Variants in TRAP1 observed in about 807,000 individuals in gnomAD.
TRAP1 encodes TNF receptor associated protein 1.
A neutral mutation model predicts 89.1 loss-of-function variants in TRAP1; 102 were observed. The observed-to-expected ratio is 1.15, with a 90% CI of 0.98 to 1.35. TRAP1 has a LOEUF of 1.35. Ranked by LOEUF, TRAP1 falls within the 40% of genes most tolerant of loss-of-function variation. TRAP1 has a pLI of 0.00. For missense variants in TRAP1, 1,256 were observed against 945.3 expected, an observed-to-expected ratio of 1.33 and a Z score of -4.31; for synonymous variants, 508 against 388.0, an observed-to-expected ratio of 1.31 and a Z score of -3.64.
chr16:3,709,719 C>T (rs915276251), intron 1 of TRAP1, among the ~76,000 whole-genome samples: 1 of 152,112 alleles, frequency 6.6e-6, no homozygotes, highest in Non-Finnish European at 1.5e-5. Flanking sequence ...GGCGCCATCT[C>T]GGCACACCAC....
intron 11 of TRAP1, among the ~76,000 whole-genome samples, chr16:3,667,311 G>A (rs2050848132): frequency 6.6e-6 from 1 of 152,070 alleles, no homozygotes; most frequent in African/African-American, 2.4e-5. Context: ...GAGGGGGATT[G>A]GTCAAATGGG....
At chr16:3,660,672 C>G (rs1172774644) in intron 16 of TRAP1, 2 of 152,150 alleles carry the variant, frequency 1.3e-5, no homozygotes, top group Non-Finnish European at 2.9e-5. Flanking sequence ...AGTGCCATGG[C>G]TAGGAAGATG....
At chr16:3,690,692 C>G in intron 2 of TRAP1, 135 bp downstream of exon 2, 1 of 980,148 alleles carries the variant, frequency 1.0e-6, no homozygotes, top group Non-Finnish European at 1.4e-6. Context: ...CGCAGCACTC[C>G]CTACAGCCAA....
chr16:3,710,880 T>TATA (rs1555468286), intron 1 of TRAP1, among the ~76,000 whole-genome samples: 21 of 89,504 alleles, frequency 2.3e-4, no homozygotes, highest in East Asian at 1.3e-3. Flanking sequence ...TATATATATA[T>TATA]TTTTTTTTTT....
At chr16:3,693,923 G>A (rs981566480) in intron 1 of TRAP1, among the ~76,000 whole-genome samples, 2 of 151,288 alleles carry the variant, frequency 1.3e-5, no homozygotes, top group Non-Finnish European at 2.9e-5. Context: ...AGCCCAGGAT[G>A]TTGAGGCTGT....
intron 1 of TRAP1, among the ~76,000 whole-genome samples, chr16:3,706,307 C>A (rs2051445013): frequency 6.6e-6 from 1 of 151,884 alleles, no homozygotes; most frequent in Admixed American, 6.6e-5. Flanking sequence ...GGGGGTCTCA[C>A]TATGTTGCCT....
intron 4 of TRAP1, among the ~76,000 whole-genome samples, chr16:3,682,132 A>G (rs1174774279): frequency 6.6e-6 from 1 of 152,200 alleles, no homozygotes; most frequent in Non-Finnish European, 1.5e-5. Context: ...AACAGATAGT[A>G]CTGAAACAAC....
At position 3,662,454 on chromosome 16, in the gene TRAP1, G is replaced by T. The variant is rs144499755; in HGVS notation, c.1795-322C>A. On this transcript the variant is annotated intron_variant, in intron 15 of 17. Transcript: ENST00000246957. ...CCCTTCCTCCAAGTGACCATGCATG[G>T]GACGCTCATTTCTCACTCTGAGCTA... 237 of 535,958 alleles carry T rather than the reference G, an allele frequency of 4.4e-4. 3 individuals carry two copies. The highest frequency in any genetic ancestry group is 3.6e-3 in the African/African-American group (192 of 52,774). The allele number at this position is 535,958 out of a possible 1,614,324, so 33.2% of individuals were successfully genotyped here.
intron 15 of TRAP1, 195 bp from the exon 16 acceptor site, chr16:3,662,327 C>G (rs1220893216): frequency 1.0e-5 from 7 of 696,558 alleles, no homozygotes; most frequent in Non-Finnish European, 1.6e-5. Flanking sequence ...CGCAAAGATA[C>G]TGTGCCCGAG....
chr16:3,693,133 G>A (rs934081514), intron 1 of TRAP1, among the ~76,000 whole-genome samples: 1 of 151,532 alleles, frequency 6.6e-6, no homozygotes, highest in Non-Finnish European at 1.5e-5. Context: ...ATTTTTAGTA[G>A]AGACGAGGTT....
Position 3,717,413 on chromosome 16 carries a change from G to A in TRAP1, c.88+8C>T. The stretch of plus-strand genomic sequence containing the variant: ...CGCCCGCTGCCCGTCCAGCCAGGAC[G>A]CCCTCACCTCCCGGCACGGCCGCCA... On this transcript the variant is annotated splice_region_variant and intron_variant, in intron 1 of 17. Coordinates refer to ENST00000246957, the MANE Select transcript of TRAP1 (RefSeq NM_016292.3). 5.3e-6 allele frequency: 6 copies of A among 1,139,586 alleles called. No individual in the cohort carries two copies. Among genetic ancestry groups the A allele is most frequent in the Non-Finnish European group, 6.7e-6 (6 of 900,114 alleles). The allele number at this position is 1,139,586 out of a possible 1,614,324, so 70.6% of individuals were successfully genotyped here. A position where few individuals can be genotyped will look rare whatever the true frequency, so the allele number is the denominator to read the frequency against.
intron 6 of TRAP1, 164 bp from the exon 7 acceptor site, chr16:3,676,309 A>C: frequency 2.9e-6 from 1 of 344,306 alleles, no homozygotes. Context: ...AGGCCATCAC[A>C]TGCCCATCAG....
intron 8 of TRAP1, 44 bp downstream of exon 8, chr16:3,675,280 T>C: frequency 6.3e-7 from 1 of 1,590,286 alleles, no homozygotes; most frequent in Non-Finnish European, 8.6e-7. Flanking sequence ...ACGTACAGAT[T>C]TGTCTCCATG....
In TRAP1 at chr16:3,661,988, T is replaced by G. The variant is rs1367982301; in HGVS notation, c.1939A>C (p.Arg647=). 1.2e-6 allele frequency: 2 copies of G among 1,604,288 alleles called. No individual in the cohort carries two copies. Among genetic ancestry groups the G allele is most frequent in the Admixed American group, 3.4e-5 (2 of 59,518 alleles). ...LLQPTLEINP[R]HALIKKLNQL... Reference sequence around the variant, plus strand: ...GAAGAGCCAGGAGCGTGGCCTCACCTGGGGTTGATCTCCAGCGTGGGCTGC... The same window carrying G: ...GAAGAGCCAGGAGCGTGGCCTCACCGGGGGTTGATCTCCAGCGTGGGCTGC... The change falls in exon 16 of 18, where the codon AGG becomes CGG. Residue 647 remains arginine (R), a splice_region_variant and synonymous_variant. Transcript: ENST00000246957.
Position 3,658,993 on chromosome 16 carries a change from A to C in TRAP1, c.1941-128T>G, listed in dbSNP as rs2042899802. ...CTGTCTGTAGTTTTTTAAATAAGGT[A>C]TGTTAATGATCATTTATAGATAATA... On this transcript the variant is annotated intron_variant, in intron 16 of 17. Coordinates refer to ENST00000246957, the MANE Select transcript of TRAP1 (RefSeq NM_016292.3). 1.7e-5 allele frequency: 15 copies of C among 869,522 alleles called. 1 individual carries two copies. The South Asian group carries it at 2.6e-4, about 15-fold the overall frequency. The allele number at this position is 869,522 out of a possible 1,614,324, so 53.9% of individuals were successfully genotyped here.
At position 3,662,576 on chromosome 16, in the gene TRAP1, G is replaced by C. The variant is rs573635444; in HGVS notation, c.1794+306C>G. On this transcript the variant is annotated intron_variant, in intron 15 of 17. Transcript: ENST00000246957. ...ATGTGAGCTCCTGAGGGCTGGGGTA[G>C]CATGTCCCTTGTTTGGAACCCCCAC... 3 of 602,524 alleles carry C rather than the reference G, an allele frequency of 5.0e-6. No homozygotes were observed. In the East Asian group the frequency reaches 1.0e-4, roughly 20 times the overall value. The allele number at this position is 602,524 out of a possible 1,614,324, so 37.3% of individuals were successfully genotyped here. A position where few individuals can be genotyped will look rare whatever the true frequency, so the allele number is the denominator to read the frequency against.
intron 1 of TRAP1, chr16:3,710,515 A>G (rs994832541): frequency 1.3e-5 from 2 of 152,226 alleles, no homozygotes; most frequent in Non-Finnish European, 2.9e-5. Context: ...AAAACATCCA[A>G]GAGAGGTTCA....
intron 1 of TRAP1, among the ~76,000 whole-genome samples, chr16:3,703,194 G>T (rs1454735861): frequency 1.3e-5 from 2 of 151,062 alleles, no homozygotes; most frequent in African/African-American, 4.9e-5. Context: ...CATTTACCAA[G>T]AAAGCAAAAT....
Position 3,691,175 on chromosome 16 carries a change from G to T in TRAP1, c.89-190C>A, listed in dbSNP as rs1394795004. The T allele has an allele frequency of 1.1e-5, 5 of 465,088 alleles. No homozygotes were observed. The East Asian group carries it at 1.8e-4, about 17-fold the overall frequency. 28.8% of individuals were successfully genotyped at this position (465,088 alleles called of 1,614,324 possible). A position where few individuals can be genotyped will look rare whatever the true frequency, so the allele number is the denominator to read the frequency against. On this transcript the variant is annotated intron_variant, in intron 1 of 17. Transcript: ENST00000246957. ...GTGGTTTTGGCAAGGAGCCCTCACA[G>T]ATGTCATCAGTGTAAGATACTGTGT...
Sources: gnomAD v4.1 joint callset for allele counts (sites outside exome capture counted in the v4.1 genomes callset) on GRCh38, gnomAD v4.1.1 for gene constraint, MANE v1.5 for transcripts, NCBI Gene and HGNC (gene_info 2026-07-23, HGNC 2026-07-21) for gene names.